Variants in NR5A1 observed in about 807,000 individuals in gnomAD.
NR5A1 encodes the protein steroidogenic factor 1.
A neutral mutation model predicts 42.7 loss-of-function variants in NR5A1; 6 were observed. That is an observed-to-expected ratio of 0.14 (90% CI 0.08 to 0.28). The LOEUF is 0.28. NR5A1 is among the 10% of genes least tolerant of loss of function. The pLI is 1.00. For synonymous variants in NR5A1, 274 were observed against 277.5 expected (o/e 0.99, Z 0.12); for missense variants, 442 against 626.4 (o/e 0.71, Z 3.14).
Position 124,496,734 on chromosome 9 carries a change from G to A in NR5A1, c.870+3356C>T, listed in dbSNP as rs1832395449. On this transcript the variant is annotated intron_variant, in intron 4 of 6. Transcript: ENST00000373588. This position sits in a 1 kb window ranked among gnomAD's most constrained non-coding sequence, Gnocchi z 5.0. Reference sequence around the variant, plus strand: ...CAGTTACTGCCGCTTAAATGAAACCGTCTATCTGGGCAGTTAAATCTGCTG... The same window carrying A: ...CAGTTACTGCCGCTTAAATGAAACCATCTATCTGGGCAGTTAAATCTGCTG... Among the ~76,000 whole-genome samples the A allele has an allele frequency of 6.6e-6, 1 of 152,232 alleles. No homozygotes were observed. Among genetic ancestry groups the A allele is most frequent in the African/African-American group, 2.4e-5 (1 of 41,456 alleles).
Position 124,503,521 on chromosome 9 carries a change from GC to G in NR5A1, c.-15-112del. On this transcript the variant is annotated intron_variant, in intron 1 of 6. Coordinates refer to ENST00000373588, the MANE Select transcript of NR5A1 (RefSeq NM_004959.5). This position sits in a 1 kb window ranked among gnomAD's most constrained non-coding sequence, Gnocchi z 9.6. ...GCCCGTCGCGTAATCCCCTCTCTGT[GC>G]CCAGGCGCTGCCGCCGGCACCCACC... is the stretch of plus-strand genomic sequence containing the variant. 1.2e-6 allele frequency: 1 copy of G among 845,726 alleles called. No individual in the cohort carries two copies. Among genetic ancestry groups the G allele is most frequent in the Non-Finnish European group, 1.7e-6 (1 of 581,608 alleles). 52.4% of individuals were successfully genotyped at this position (845,726 alleles called of 1,614,324 possible).
chr9:124,504,038 G>T (rs1223562636), intron 1 of NR5A1, among the ~76,000 whole-genome samples: 2 of 134,600 alleles, frequency 1.5e-5, no homozygotes, highest in South Asian at 2.2e-4. Flanking sequence ...GAGAGAGAGA[G>T]AGAGAGAGAG....
chr9:124,505,001 C>G (rs1182627045), intron 1 of NR5A1, among the ~76,000 whole-genome samples: 1 of 151,372 alleles, frequency 6.6e-6, no homozygotes, highest in African/African-American at 2.4e-5. Context: ...GCGCCGGGGC[C>G]GGGGGCCGGC....
intron 6 of NR5A1, among the ~76,000 whole-genome samples, chr9:124,483,704 T>C (rs1832165078): frequency 6.6e-6 from 1 of 152,216 alleles, no homozygotes; most frequent in African/African-American, 2.4e-5. Context: ...ATCCCCACTC[T>C]GCCACCATCA....
chr9:124,491,230 T>TG lies in NR5A1; in HGVS notation c.991-3dup, dbSNP rs1398863014. 6.3e-7 allele frequency: 1 copy of TG among 1,599,734 alleles called. No individual in the cohort carries two copies. Among genetic ancestry groups the TG allele is most frequent in the South Asian group, 1.1e-5 (1 of 90,312 alleles). On this transcript the variant is annotated splice_polypyrimidine_tract_variant and splice_region_variant and intron_variant, in intron 5 of 6. Transcript: ENST00000373588. The stretch of plus-strand genomic sequence containing the variant: ...GGTGGCCACTGTGGTCAGCTCCACC[T>TG]GGGGGCAGAGGGCACGGGGCGGGGG...
rs955291145 is a variant in NR5A1, at chr9:124,503,706, G to A, written c.-15-296C>T. Among the ~76,000 whole-genome samples, 2 of 152,256 alleles carry A rather than the reference G, an allele frequency of 1.3e-5. No individual in the cohort carries two copies. The highest frequency in any genetic ancestry group is 3.9e-4 in the East Asian group (2 of 5,194). ...CTCGGGTTCGATGCGCTTCGATTGG[G>A]ATTCGTTTGTCTGAGAACAAAACCC... On this transcript the variant is annotated intron_variant, in intron 1 of 6. Coordinates refer to ENST00000373588, the MANE Select transcript of NR5A1 (RefSeq NM_004959.5). This position sits in a 1 kb window ranked among gnomAD's most constrained non-coding sequence, Gnocchi z 9.6.
intron 1 of NR5A1, among the ~76,000 whole-genome samples, chr9:124,504,285 G>A (rs1327065250): frequency 6.6e-6 from 1 of 152,194 alleles, no homozygotes; most frequent in African/African-American, 2.4e-5. Context: ...CGAGGGTCGG[G>A]GACAGGGGAC....
intron 1 of NR5A1, chr9:124,506,880 C>A (rs1824223444): frequency 6.5e-6 from 1 of 152,884 alleles, no homozygotes. Context: ...CAGAGAGAGC[C>A]ACAGAGACAA....
At chr9:124,487,224 A>C (rs945818407) in intron 6 of NR5A1, among the ~76,000 whole-genome samples, 3 of 152,228 alleles carry the variant, frequency 2.0e-5, no homozygotes, top group African/African-American at 7.2e-5. Context: ...TATTTGAATA[A>C]TCCTTTCATT....
intron 6 of NR5A1, among the ~76,000 whole-genome samples, chr9:124,485,783 G>T (rs1302505026): frequency 6.6e-6 from 1 of 152,180 alleles, no homozygotes; most frequent in Non-Finnish European, 1.5e-5. Context: ...CATATTCAAA[G>T]GTCATGGGAA....
At chr9:124,506,168 C>A (rs998542627) in intron 1 of NR5A1, among the ~76,000 whole-genome samples, 3 of 152,226 alleles carry the variant, frequency 2.0e-5, no homozygotes, top group African/African-American at 7.2e-5. Flanking sequence ...TCAGCTGGCT[C>A]ACCCACAGAA....
At chr9:124,486,384 G>A (rs960224943) in intron 6 of NR5A1, among the ~76,000 whole-genome samples, 3 of 152,198 alleles carry the variant, frequency 2.0e-5, no homozygotes, top group African/African-American at 7.2e-5. Context: ...CCAGGGCTCA[G>A]GGAACCAGGG....
intron 6 of NR5A1, among the ~76,000 whole-genome samples, chr9:124,490,406 T>C (rs1345015049): frequency 2.6e-5 from 4 of 151,976 alleles, no homozygotes; most frequent in Non-Finnish European, 5.9e-5. Context: ...CAGGCAGGGT[T>C]GGGGTCAGGA....
rs1832461809 is a variant in NR5A1, at chr9:124,500,890, C to T, written c.245-175G>A. The T allele has an allele frequency of 1.9e-6, 2 of 1,026,752 alleles. No individual in the cohort carries two copies. The highest frequency in any genetic ancestry group is 3.0e-6 in the Non-Finnish European group (2 of 667,994). 63.6% of individuals were successfully genotyped at this position (1,026,752 alleles called of 1,614,324 possible). A position where few individuals can be genotyped will look rare whatever the true frequency, so the allele number is the denominator to read the frequency against. ...CCTTTGCCTGGCATTCAAGGCCCTGCTCAGCTTTTCAGGCAATCCCTGCTA... is the reference window on the plus strand; with the variant it reads ...CCTTTGCCTGGCATTCAAGGCCCTGTTCAGCTTTTCAGGCAATCCCTGCTA... On this transcript the variant is annotated intron_variant, in intron 3 of 6. Transcript: ENST00000373588. The surrounding 1 kb of genome is among the most constrained non-coding windows in gnomAD (Gnocchi z 6.9).
chr9:124,505,712 G>A (rs1277896817), intron 1 of NR5A1, among the ~76,000 whole-genome samples: 1 of 152,168 alleles, frequency 6.6e-6, no homozygotes, highest in Admixed American at 6.5e-5. Context: ...GCCTCTACGG[G>A]CGCAGGAGCT....
chr9:124,494,097 GGGC>G (rs1832354702), intron 4 of NR5A1, among the ~76,000 whole-genome samples: 1 of 152,214 alleles, frequency 6.6e-6, no homozygotes, highest in East Asian at 1.9e-4. Context: ...AGATGGGCCT[GGGC>G]AGACACAGCC....
At position 124,501,008 on chromosome 9, in the gene NR5A1, G is replaced by T. The variant is rs1469978039; in HGVS notation, c.245-293C>A. On this transcript the variant is annotated intron_variant, in intron 3 of 6. Transcript: ENST00000373588. The surrounding 1 kb of genome is among the most constrained non-coding windows in gnomAD (Gnocchi z 4.1). Reference sequence around the variant, plus strand: ...CCACCCTGCCTTTCATTTTCCTTCTGACTCAAACTTTTTTTTTTCTCTTGT... The same window carrying T: ...CCACCCTGCCTTTCATTTTCCTTCTTACTCAAACTTTTTTTTTTCTCTTGT... 8 of 694,658 alleles carry T rather than the reference G, an allele frequency of 1.2e-5. No individual in the cohort carries two copies. The highest frequency in any genetic ancestry group is 1.9e-5 in the Non-Finnish European group (7 of 370,914). 43.0% of individuals were successfully genotyped at this position (694,658 alleles called of 1,614,324 possible).
In NR5A1 at chr9:124,492,946, G is replaced by T; in HGVS notation, c.990+84C>A. Reference sequence around the variant, plus strand: ...CCAGAGCCAGCCCCGAGAGGCCTGGGTCCTCCTCTCCGGGGCCCTGAATCC... The same window carrying T: ...CCAGAGCCAGCCCCGAGAGGCCTGGTTCCTCCTCTCCGGGGCCCTGAATCC... On this transcript the variant is annotated intron_variant, in intron 5 of 6. Transcript: ENST00000373588. 5.6e-6 allele frequency: 8 copies of T among 1,438,428 alleles called. No homozygotes were observed. The South Asian group carries it at 1.1e-4, about 20-fold the overall frequency. The allele number at this position is 1,438,428 out of a possible 1,614,324, so 89.1% of individuals were successfully genotyped here. A position where few individuals can be genotyped will look rare whatever the true frequency, so the allele number is the denominator to read the frequency against.
chr9:124,486,735 G>A (rs1018661026), intron 6 of NR5A1, among the ~76,000 whole-genome samples: 1 of 152,210 alleles, frequency 6.6e-6, no homozygotes, highest in Non-Finnish European at 1.5e-5. Flanking sequence ...TCATTGTGAA[G>A]ATTCCAGCGG....
Sources: gnomAD v4.1 joint callset for allele counts (sites outside exome capture counted in the v4.1 genomes callset) on GRCh38, gnomAD v4.1.1 for gene constraint, Gnocchi (gnomAD v3.1) non-coding constraint, MANE v1.5 for transcripts, NCBI Gene and HGNC (gene_info 2026-07-23, HGNC 2026-07-21) for gene names.